The following RIMS2 variants were observed in gnomAD, a reference collection of about 807,000 sequenced individuals.
RIMS2 encodes the protein regulating synaptic membrane exocytosis protein 2.
In RIMS2, 59 loss-of-function variants were observed where a neutral mutation model predicts 174.4. The observed-to-expected ratio is 0.34, with a 90% CI of 0.27 to 0.42. The LOEUF (loss-of-function observed/expected upper bound fraction) is 0.42, where lower values mean the gene tolerates loss of function less well. Among genes scored for constraint, RIMS2 ranks in the 10% least tolerant of loss-of-function variants. The probability of loss-of-function intolerance (pLI) is 1.00; values close to 1 mark genes in which losing one functional copy is unlikely to be tolerated. For synonymous variants in RIMS2, 606 were observed against 572.5 expected (o/e 1.06, Z -0.84); for missense variants, 1,620 against 1,666.3 (o/e 0.97, Z 0.48).
chr8:104,250,386 TTG>T (rs149921120), intron 22 of RIMS2, among the ~76,000 whole-genome samples: 14,129 of 152,190 alleles, frequency 0.093, 811 homozygotes, highest in African/African-American at 0.16. Flanking sequence ...ATATAATCTG[TTG>T]TATAACCTGG....
At chr8:103,993,127 T>C (rs1406096289) in intron 17 of RIMS2, among the ~76,000 whole-genome samples, 1 of 151,970 alleles carries the variant, frequency 6.6e-6, no homozygotes, top group Admixed American at 6.6e-5. Flanking sequence ...AATATATATA[T>C]ATTTTAAGAG....
At chr8:103,630,289 A>AT (rs2095879835) in intron 1 of RIMS2, among the ~76,000 whole-genome samples, 1 of 146,234 alleles carries the variant, frequency 6.8e-6, no homozygotes. Flanking sequence ...CTGGAAGTAA[A>AT]TGGTTACATT....
chr8:103,611,495 G>C (rs1342347941), intron 1 of RIMS2, among the ~76,000 whole-genome samples: 1 of 150,338 alleles, frequency 6.7e-6, no homozygotes, highest in Admixed American at 6.6e-5. Context: ...TAGGTCTAGT[G>C]TTGATGCATC....
At chr8:104,106,037 C>CGA (rs1555230751) in intron 19 of RIMS2, among the ~76,000 whole-genome samples, 1 of 56,914 alleles carries the variant, frequency 1.8e-5, no homozygotes, top group Non-Finnish European at 3.4e-5. Context: ...GACTCTGCCA[C>CGA]AAAAAAAAAA....
intron 3 of RIMS2, among the ~76,000 whole-genome samples, chr8:103,793,905 A>T (rs1471123498): frequency 2.6e-5 from 4 of 152,328 alleles, no homozygotes; most frequent in African/African-American, 9.6e-5. Flanking sequence ...AAGGAGAACT[A>T]CAAACCACTG....
intron 2 of RIMS2, among the ~76,000 whole-genome samples, chr8:103,749,718 CA>C (rs1485859032): frequency 6.6e-6 from 1 of 152,020 alleles, no homozygotes. Flanking sequence ...TATAATTTTA[CA>C]AATGCAATAT....
At chr8:103,609,848 T>C (rs1236474785) in intron 1 of RIMS2, among the ~76,000 whole-genome samples, 1 of 152,218 alleles carries the variant, frequency 6.6e-6, no homozygotes, top group Non-Finnish European at 1.5e-5. Context: ...TTTAAATAGT[T>C]TTTTTCTAAT....
intron 19 of RIMS2, among the ~76,000 whole-genome samples, chr8:104,147,449 C>T (rs925647909): frequency 2.0e-5 from 3 of 152,018 alleles, no homozygotes; most frequent in Non-Finnish European, 2.9e-5. Context: ...AGCCTTTAAC[C>T]AGATTTTACT....
chr8:104,049,351 G>A (rs1011647167), intron 19 of RIMS2, among the ~76,000 whole-genome samples: 7 of 152,062 alleles, frequency 4.6e-5, no homozygotes, highest in African/African-American at 1.4e-4. Flanking sequence ...CCCGAACCCG[G>A]GAGGCGGAGC....
chr8:103,699,505 C>G (rs1259568927), intron 2 of RIMS2, among the ~76,000 whole-genome samples: 1 of 152,210 alleles, frequency 6.6e-6, no homozygotes, highest in Non-Finnish European at 1.5e-5. Context: ...GCTGGGACTA[C>G]AGGTGTGAGC....
chr8:104,100,841 A>G (rs2097860148), intron 19 of RIMS2, among the ~76,000 whole-genome samples: 1 of 140,648 alleles, frequency 7.1e-6, no homozygotes, highest in Non-Finnish European at 1.5e-5. Flanking sequence ...TATATAATAT[A>G]TATGTATTAT....
chr8:103,837,616 G>GT (rs1244442010), intron 3 of RIMS2, among the ~76,000 whole-genome samples: 2 of 152,064 alleles, frequency 1.3e-5, no homozygotes, highest in Non-Finnish European at 1.5e-5. Context: ...GCGGTGTTTG[G>GT]TTTTTTGTCC....
At chr8:104,169,332 ATATATAT>A (rs1220136261) in intron 19 of RIMS2, among the ~76,000 whole-genome samples, 20 of 39,904 alleles carry the variant, frequency 5.0e-4, no homozygotes, top group African/African-American at 2.5e-3. Context: ...ATATATATAT[ATATATAT>A]AAAACAGATT....
chr8:103,855,015 T>C (rs948350017), intron 3 of RIMS2, among the ~76,000 whole-genome samples: 2 of 152,030 alleles, frequency 1.3e-5, no homozygotes, highest in African/African-American at 4.8e-5. Flanking sequence ...GTAGGTTTTT[T>C]ATTACTAATG....
chr8:103,899,729 T>A lies in RIMS2; in HGVS notation c.1625-10405T>A, dbSNP rs955291513. ...GCAGAAGCTCTTTAGTTTAATTAGA[T>A]CCTATTTGTCAATTTTGGCTTTTGT... On this transcript the variant is annotated intron_variant, in intron 4 of 23. Coordinates refer to ENST00000504942, the Ensembl canonical transcript of RIMS2. Among the ~76,000 whole-genome samples the A allele has an allele frequency of 2.5e-4, 38 of 151,754 alleles. 1 individual carries two copies. Among genetic ancestry groups the A allele is most frequent in the Non-Finnish European group, 8.8e-5 (6 of 68,028 alleles).
At chr8:103,986,733 C>T (rs552268824) in intron 16 of RIMS2, among the ~76,000 whole-genome samples, 6 of 151,840 alleles carry the variant, frequency 4.0e-5, no homozygotes, top group Non-Finnish European at 7.4e-5. Flanking sequence ...ATTAACCAGG[C>T]GTGGTGAAAG....
chr8:103,820,175 C>T (rs983511148), intron 3 of RIMS2, among the ~76,000 whole-genome samples: 1 of 151,992 alleles, frequency 6.6e-6, no homozygotes, highest in Non-Finnish European at 1.5e-5. Context: ...TTATAAATTC[C>T]TATTGCTTTT....
intron 2 of RIMS2, among the ~76,000 whole-genome samples, chr8:103,703,803 G>T (rs748337601): frequency 6.6e-6 from 1 of 152,000 alleles, no homozygotes; most frequent in Non-Finnish European, 1.5e-5. Flanking sequence ...TGCTGCTGGC[G>T]TAGAGAAATG....
At chr8:104,213,928 C>G (rs149767597) in intron 19 of RIMS2, among the ~76,000 whole-genome samples, 3 of 151,028 alleles carry the variant, frequency 2.0e-5, no homozygotes, top group African/African-American at 4.9e-5. Context: ...GAGAAATAAC[C>G]GCAAATAGAA....
Sources: allele counts gnomAD v4.1 joint callset (sites outside exome capture counted in the v4.1 genomes callset), GRCh38; gene constraint gnomAD v4.1.1; transcripts MANE v1.5; gene names NCBI Gene and HGNC (gene_info 2026-07-23, HGNC 2026-07-21).